ROBO1: variants seen among roughly 807,000 people sequenced by gnomAD.
ROBO1 encodes the protein roundabout homolog 1.
A neutral mutation model predicts 195.9 loss-of-function variants in ROBO1; 149 were observed. The ratio of observed to expected loss-of-function variants is 0.76; its 90% CI spans 0.67 to 0.87. ROBO1 has a LOEUF of 0.87. Ranked by LOEUF, ROBO1 falls within the 40% of genes least tolerant of loss-of-function variation. The probability of loss-of-function intolerance (pLI) is 0.00; values close to 1 mark genes in which losing one functional copy is unlikely to be tolerated. For missense variants in ROBO1, 1,933 were observed against 2,068.3 expected (o/e 0.93, Z 1.27); for synonymous variants, 816 against 733.2 (o/e 1.11, Z -1.82).
At chr3:78,660,990 T>G (rs758265785) in intron 16 of ROBO1, 40 bp downstream of exon 16, 2 of 1,332,370 alleles carry the variant, frequency 1.5e-6, no homozygotes, top group South Asian at 2.6e-5. Flanking sequence ...CTAACAAATA[T>G]ACTGCAATGC....
At chr3:79,008,149 C>G (rs2077670035) in intron 3 of ROBO1, among the ~76,000 whole-genome samples, 1 of 152,140 alleles carries the variant, frequency 6.6e-6, no homozygotes, top group Non-Finnish European at 1.5e-5. Flanking sequence ...CACCAGTTCC[C>G]AAAATGCAAT....
At chr3:78,963,909 A>G (rs890485783) in intron 3 of ROBO1, among the ~76,000 whole-genome samples, 5 of 152,196 alleles carry the variant, frequency 3.3e-5, no homozygotes, top group Admixed American at 3.3e-4. Flanking sequence ...GGCTGCAATA[A>G]CAAAGTACCA....
chr3:78,708,233 C>CA (rs1405528931), intron 8 of ROBO1, among the ~76,000 whole-genome samples: 3 of 152,054 alleles, frequency 2.0e-5, no homozygotes, highest in African/African-American at 7.2e-5. Flanking sequence ...AGGAGAAACT[C>CA]AAACTTTAAA....
intron 1 of ROBO1, among the ~76,000 whole-genome samples, chr3:79,734,035 C>T (rs1703270999): frequency 6.6e-6 from 1 of 151,786 alleles, no homozygotes; most frequent in Admixed American, 6.6e-5. Flanking sequence ...GCAACCTCCG[C>T]CTCCCGGGTT....
intron 1 of ROBO1, among the ~76,000 whole-genome samples, chr3:79,592,024 C>T (rs1479706499): frequency 1.3e-5 from 2 of 148,854 alleles, no homozygotes; most frequent in Admixed American, 6.7e-5. Context: ...CTATTTAGAA[C>T]TTGCTTATTA....
chr3:79,040,706 C>A (rs537909853), intron 3 of ROBO1, among the ~76,000 whole-genome samples: 2 of 152,062 alleles, frequency 1.3e-5, no homozygotes, highest in Non-Finnish European at 2.9e-5. Context: ...CACAAAACAC[C>A]CTAAAACTAC....
At chr3:78,662,243 G>GTAA in intron 14 of ROBO1, 129 bp from the exon 15 acceptor site, 1 of 555,630 alleles carries the variant, frequency 1.8e-6, no homozygotes, top group Non-Finnish European at 2.6e-6. Flanking sequence ...GCTGTGATTC[G>GTAA]GAAAAAAAAA....
rs76081185 is a variant in ROBO1, at chr3:78,994,116, C to G, written c.173-55189G>C. 6.9e-3 allele frequency among the ~76,000 whole-genome samples: 1,051 copies of G among 152,232 alleles called. 6 individuals carry two copies. The highest frequency in any genetic ancestry group is 0.012 in the Non-Finnish European group (799 of 68,000). ...ATAGATATCAGACTTTATTTCTCAT[C>G]TGCCTTTAAGATCAATATAGATACA... On this transcript the variant is annotated intron_variant, in intron 3 of 30. Transcript: ENST00000464233.
chr3:79,643,910 G>A (rs559909115), intron 1 of ROBO1, among the ~76,000 whole-genome samples: 10 of 152,058 alleles, frequency 6.6e-5, no homozygotes, highest in Non-Finnish European at 8.8e-5. Context: ...ATAAAAAAAC[G>A]TAGGATGAAG....
chr3:79,001,245 A>G (rs1344179546), intron 3 of ROBO1, among the ~76,000 whole-genome samples: 4 of 152,124 alleles, frequency 2.6e-5, no homozygotes, highest in Non-Finnish European at 4.4e-5. Context: ...CTATGTAACA[A>G]ACCTGCATGT....
intron 4 of ROBO1, among the ~76,000 whole-genome samples, chr3:78,795,345 A>C (rs2084152640): frequency 2.0e-5 from 3 of 152,214 alleles, no homozygotes; most frequent in Admixed American, 2.0e-4. Flanking sequence ...AAGAAACAAA[A>C]TTACGGCCTC....
chr3:78,881,395 T>C (rs564942046), intron 4 of ROBO1, among the ~76,000 whole-genome samples: 2 of 152,220 alleles, frequency 1.3e-5, no homozygotes, highest in East Asian at 3.9e-4. Flanking sequence ...ACAGTGAAAA[T>C]GGTTAGTCTC....
rs147802799 is a variant in ROBO1 at position 79,327,858 on chromosome 3, A to G, written c.89-202319T>C. ...TCTTTTCAATGCTTGTCAACAATGC[A>G]ATAATGGAAATAGCACGCCACTACA... On this transcript the variant is annotated intron_variant, in intron 2 of 30. Coordinates refer to ENST00000464233, the MANE Select transcript of ROBO1 (RefSeq NM_002941.4). Among the ~76,000 whole-genome samples, 251 of 152,324 alleles carry G rather than the reference A, an allele frequency of 1.6e-3. 2 individuals carry two copies. The highest frequency in any genetic ancestry group is 3.1e-3 in the Non-Finnish European group (209 of 68,028).
chr3:78,638,695 C>T lies in ROBO1; in HGVS notation c.3037+1049G>A, dbSNP rs80082646. Reference sequence around the variant, plus strand: ...GACCAGCCTGAGCAACATAGCAAGACCTGCATCTCTACAAAAAAAATTTTT... The same window carrying T: ...GACCAGCCTGAGCAACATAGCAAGATCTGCATCTCTACAAAAAAAATTTTT... On this transcript the variant is annotated intron_variant, in intron 22 of 30. Coordinates refer to ENST00000464233, the MANE Select transcript of ROBO1 (RefSeq NM_002941.4). Among the ~76,000 whole-genome samples the T allele has an allele frequency of 4.1e-3, 624 of 151,772 alleles. 5 individuals are homozygous for T. The highest frequency in any genetic ancestry group is 9.4e-3 in the South Asian group (45 of 4,798).
intron 4 of ROBO1, among the ~76,000 whole-genome samples, chr3:78,909,523 T>C (rs562667335): frequency 6.6e-6 from 1 of 151,972 alleles, no homozygotes; most frequent in South Asian, 2.1e-4. Context: ...GTTTCAAGCA[T>C]AACAAGCATC....
rs1035469094 is a variant in ROBO1, at chr3:78,684,909, G to A, written c.1342+837C>T. ...TTCCATTTTCTTCCCTGAGAGACAG[G>A]TTGTTTCTTTCTTTAAGTGCTCTTT... On this transcript the variant is annotated intron_variant, in intron 10 of 30. Coordinates refer to ENST00000464233, the MANE Select transcript of ROBO1 (RefSeq NM_002941.4). 2.6e-5 allele frequency among the ~76,000 whole-genome samples: 4 copies of A among 152,086 alleles called. No individual in the cohort carries two copies. The South Asian group carries it at 8.3e-4, about 32-fold the overall frequency.
intron 7 of ROBO1, 100 bp from the exon 8 acceptor site, chr3:78,714,624 C>T (rs1193125126): frequency 1.8e-6 from 2 of 1,089,536 alleles, no homozygotes; most frequent in Non-Finnish European, 2.5e-6. Flanking sequence ...ACATTCTTTT[C>T]TGATAACTTA....
intron 1 of ROBO1, among the ~76,000 whole-genome samples, chr3:79,669,369 A>G (rs919638134): frequency 6.6e-6 from 1 of 151,856 alleles, no homozygotes; most frequent in Admixed American, 6.6e-5. Flanking sequence ...TCATACGGGT[A>G]TATCTTCCCA....
intron 4 of ROBO1, among the ~76,000 whole-genome samples, chr3:78,930,107 T>C (rs1164044994): frequency 6.6e-6 from 1 of 152,184 alleles, no homozygotes; most frequent in African/African-American, 2.4e-5. Context: ...CTAAATCCTG[T>C]GCTCTCAAAG....
Sources: gnomAD v4.1 joint callset for allele counts (sites outside exome capture counted in the v4.1 genomes callset) on GRCh38, gnomAD v4.1.1 for gene constraint, MANE v1.5 for transcripts, NCBI Gene and HGNC (gene_info 2026-07-23, HGNC 2026-07-21) for gene names.